SNCAIP: variants seen among roughly 807,000 people sequenced by gnomAD.
SNCAIP encodes synphilin-1.
SNCAIP carries 43 observed loss-of-function variants against 86.7 expected under a neutral mutation model. The observed-to-expected ratio is 0.50, with a 90% CI of 0.39 to 0.64. SNCAIP has a LOEUF of 0.64. SNCAIP is among the 30% of genes least tolerant of loss of function. The probability of loss-of-function intolerance (pLI) is 0.00; values close to 1 mark genes in which losing one functional copy is unlikely to be tolerated. For missense variants in SNCAIP, 981 were observed against 1,103.1 expected, an observed-to-expected ratio of 0.89 and a Z score of 1.57; for synonymous variants, 417 against 427.2, an observed-to-expected ratio of 0.98 and a Z score of 0.29.
At chr5:122,435,870 C>G (rs1272485808) in intron 6 of SNCAIP, among the ~76,000 whole-genome samples, 1 of 152,094 alleles carries the variant, frequency 6.6e-6, no homozygotes, top group Non-Finnish European at 1.5e-5. Flanking sequence ...GAAAGTGCTG[C>G]GATCACAGAT....
intron 1 of SNCAIP, among the ~76,000 whole-genome samples, chr5:122,355,790 A>G (rs1225914063): frequency 1.3e-5 from 2 of 152,152 alleles, no homozygotes; most frequent in Non-Finnish European, 2.9e-5. Flanking sequence ...TTTAAGTTAA[A>G]TGTGTACATG....
chr5:122,357,028 A>G (rs923529498), intron 1 of SNCAIP, among the ~76,000 whole-genome samples: 16 of 151,968 alleles, frequency 1.1e-4, no homozygotes, highest in Non-Finnish European at 2.4e-4. Flanking sequence ...AGCCCTGCAT[A>G]TTTGTATCTC....
At chr5:122,399,124 T>C (rs1771239682) in intron 2 of SNCAIP, among the ~76,000 whole-genome samples, 1 of 152,066 alleles carries the variant, frequency 6.6e-6, no homozygotes, top group Non-Finnish European at 1.5e-5. Context: ...ACCCCTCTCT[T>C]CCCGCCTCAT....
chr5:122,400,693 G>T (rs1771614273), intron 2 of SNCAIP, among the ~76,000 whole-genome samples: 1 of 152,224 alleles, frequency 6.6e-6, no homozygotes, highest in South Asian at 2.1e-4. Flanking sequence ...CCTGGCTAGA[G>T]GAGGGCATTG....
intron 1 of SNCAIP, among the ~76,000 whole-genome samples, chr5:122,333,882 A>G (rs569131435): frequency 6.6e-6 from 1 of 152,336 alleles, no homozygotes; most frequent in Non-Finnish European, 1.5e-5. Flanking sequence ...GTAAGGCCAC[A>G]GTGGGCTGAA....
intron 7 of SNCAIP, among the ~76,000 whole-genome samples, chr5:122,443,361 A>G (rs1256567246): frequency 1.3e-5 from 2 of 152,232 alleles, no homozygotes; most frequent in African/African-American, 2.4e-5. Context: ...GTGGAATCTA[A>G]TAATATCACA....
chr5:122,425,113 C>T (rs1389925997), intron 4 of SNCAIP, among the ~76,000 whole-genome samples: 1 of 152,222 alleles, frequency 6.6e-6, no homozygotes, highest in Non-Finnish European at 1.5e-5. Context: ...GAAGCCTCCA[C>T]ACCTCATTGG....
intron 5 of SNCAIP, among the ~76,000 whole-genome samples, chr5:122,430,906 T>G (rs1256388761): frequency 6.6e-6 from 1 of 152,108 alleles, no homozygotes; most frequent in Non-Finnish European, 1.5e-5. Context: ...TTATATTATT[T>G]GTATATAATA....
chr5:122,428,274 AG>A (rs1283560646), intron 5 of SNCAIP, among the ~76,000 whole-genome samples: 1 of 152,140 alleles, frequency 6.6e-6, no homozygotes, highest in East Asian at 1.9e-4. Flanking sequence ...AAGTGGCCCC[AG>A]GCCCATAGAC....
At chr5:122,372,910 A>G (rs1764546688) in intron 1 of SNCAIP, among the ~76,000 whole-genome samples, 1 of 152,068 alleles carries the variant, frequency 6.6e-6, no homozygotes, top group African/African-American at 2.4e-5. Flanking sequence ...CAAGATCATC[A>G]GAACAGGCAA....
intron 1 of SNCAIP, among the ~76,000 whole-genome samples, chr5:122,377,484 G>C (rs80068545): frequency 2.8e-5 from 4 of 142,446 alleles, no homozygotes; most frequent in East Asian, 2.1e-4. Flanking sequence ...AGGGGTGAGA[G>C]GGAGACAGAC....
At chr5:122,338,366 C>A (rs1211817857) in intron 1 of SNCAIP, among the ~76,000 whole-genome samples, 1 of 152,166 alleles carries the variant, frequency 6.6e-6, no homozygotes, top group Middle Eastern at 3.2e-3. Context: ...CATGTGTGTT[C>A]ATTAACAACC....
intron 1 of SNCAIP, among the ~76,000 whole-genome samples, chr5:122,363,636 A>G (rs1213095237): frequency 6.6e-6 from 1 of 151,776 alleles, no homozygotes; most frequent in Non-Finnish European, 1.5e-5. Flanking sequence ...AAAACTAAGT[A>G]TCCATTTTCC....
At chr5:122,367,190 GGTGA>G (rs1037104312) in intron 1 of SNCAIP, among the ~76,000 whole-genome samples, 5 of 152,034 alleles carry the variant, frequency 3.3e-5, no homozygotes, top group Non-Finnish European at 5.9e-5. Flanking sequence ...GGTATTAGTG[GGTGA>G]GTAAGAAGAG....
chr5:122,408,097 G>C (rs755461387), intron 3 of SNCAIP, among the ~76,000 whole-genome samples: 12 of 152,196 alleles, frequency 7.9e-5, no homozygotes, highest in Non-Finnish European at 1.8e-4. Context: ...TCAGTGCTGA[G>C]TGTGTGCTGC....
chr5:122,421,662 C>A (rs569119502), intron 3 of SNCAIP, among the ~76,000 whole-genome samples: 7 of 152,130 alleles, frequency 4.6e-5, no homozygotes, highest in Non-Finnish European at 1.0e-4. Flanking sequence ...TAGGGCATGC[C>A]CCCTGAAATC....
chr5:122,448,615 TTA>T (rs1003723524), intron 8 of SNCAIP, among the ~76,000 whole-genome samples: 8 of 141,030 alleles, frequency 5.7e-5, no homozygotes, highest in African/African-American at 7.8e-5. Context: ...ATATATATTT[TTA>T]TATATATAAT....
At chr5:122,387,850 T>C (rs1768526495) in intron 1 of SNCAIP, among the ~76,000 whole-genome samples, 1 of 152,248 alleles carries the variant, frequency 6.6e-6, no homozygotes, top group Non-Finnish European at 1.5e-5. Flanking sequence ...GTGCCAATAG[T>C]TTATTTGTAG....
At chr5:122,416,851 A>C (rs1489970846) in intron 3 of SNCAIP, among the ~76,000 whole-genome samples, 1 of 152,192 alleles carries the variant, frequency 6.6e-6, no homozygotes, top group Non-Finnish European at 1.5e-5. Flanking sequence ...GGAGAACTTC[A>C]AAAGTATGTC....
Sources: allele counts gnomAD v4.1 joint callset (sites outside exome capture counted in the v4.1 genomes callset), GRCh38; gene constraint gnomAD v4.1.1; transcripts MANE v1.5; gene names NCBI Gene and HGNC (gene_info 2026-07-23, HGNC 2026-07-21).